The following DYNC1I1 variants were observed in gnomAD, a reference collection of about 807,000 sequenced individuals.
DYNC1I1 encodes the protein cytoplasmic dynein 1 intermediate chain 1.
DYNC1I1 carries 43 observed loss-of-function variants against 86.6 expected under a neutral mutation model. That is an observed-to-expected ratio of 0.50 (90% CI 0.39 to 0.64). The LOEUF is 0.64. DYNC1I1 is among the 30% of genes least tolerant of loss of function. The pLI is 0.00. For synonymous variants in DYNC1I1, 262 were observed against 283.7 expected, an observed-to-expected ratio of 0.92 and a Z score of 0.77; for missense variants, 604 against 788.8, an observed-to-expected ratio of 0.77 and a Z score of 2.81.
At chr7:96,078,750 T>C (rs758639650) in intron 15 of DYNC1I1, among the ~76,000 whole-genome samples, 1 of 152,164 alleles carries the variant, frequency 6.6e-6, no homozygotes, top group Non-Finnish European at 1.5e-5. Context: ...TGGAATTAGG[T>C]AATAGAATTA....
intron 1 of DYNC1I1, among the ~76,000 whole-genome samples, chr7:95,789,007 T>G (rs1016669816): frequency 4.6e-5 from 7 of 152,212 alleles, no homozygotes; most frequent in African/African-American, 1.7e-4. Flanking sequence ...TATACATGCC[T>G]GCATCCTATT....
At chr7:96,022,386 G>C (rs943191390) in intron 10 of DYNC1I1, among the ~76,000 whole-genome samples, 6 of 152,094 alleles carry the variant, frequency 3.9e-5, no homozygotes, top group African/African-American at 1.4e-4. Context: ...AGAATCAGCT[G>C]CTTTTTATTT....
chr7:95,843,064 GTC>G (rs1789331610), intron 5 of DYNC1I1, among the ~76,000 whole-genome samples: 1 of 152,290 alleles, frequency 6.6e-6, no homozygotes, highest in African/African-American at 2.4e-5. Context: ...ACTGAAGCAA[GTC>G]CCTTACATGT....
At chr7:96,049,957 T>C (rs1371239083) in intron 14 of DYNC1I1, among the ~76,000 whole-genome samples, 1 of 150,934 alleles carries the variant, frequency 6.6e-6, no homozygotes, top group Non-Finnish European at 1.5e-5. Flanking sequence ...TGCTTGAACC[T>C]GGAGGGCACA....
At chr7:95,815,082 G>A (rs578150196) in intron 4 of DYNC1I1, among the ~76,000 whole-genome samples, 42 of 152,252 alleles carry the variant, frequency 2.8e-4, no homozygotes, top group South Asian at 1.7e-3. Flanking sequence ...CAAGGGTGCA[G>A]TTGGCAGCAT....
At chr7:95,967,600 T>C (rs1158014843) in intron 6 of DYNC1I1, among the ~76,000 whole-genome samples, 2 of 152,204 alleles carry the variant, frequency 1.3e-5, no homozygotes, top group African/African-American at 4.8e-5. Context: ...ACTACTGTGT[T>C]TTTGTTGTTA....
At chr7:95,968,394 G>T (rs1793072187) in intron 6 of DYNC1I1, among the ~76,000 whole-genome samples, 1 of 152,120 alleles carries the variant, frequency 6.6e-6, no homozygotes, top group African/African-American at 2.4e-5. Context: ...TGACTCTTAG[G>T]TATGGAAGGT....
rs548398613 is a variant in DYNC1I1, at chr7:96,070,987, G to A, written c.1510-5070G>A. On this transcript the variant is annotated intron_variant, in intron 14 of 16. Transcript: ENST00000447467. ...ACTAAAGCTCAATTCTAGAGATCAA[G>A]TCTTATTGTAAAACACTGATGAATG... Among the ~76,000 whole-genome samples, 3 of 152,266 alleles carry A rather than the reference G, an allele frequency of 2.0e-5. No individual in the cohort carries two copies. In the South Asian group the frequency reaches 6.2e-4, roughly 32 times the overall value.
rs149646687 is a variant in DYNC1I1 at position 95,905,559 on chromosome 7, A to C, written c.490+35561A>C. On this transcript the variant is annotated intron_variant, in intron 6 of 16. Coordinates refer to ENST00000447467, the MANE Select transcript of DYNC1I1 (RefSeq NM_001135556.2). ...TATTGCCCTTCTTCTTTCCTGACCT[A>C]TGTCTCAAACTCACGTGGGGTCCCT... is the stretch of plus-strand genomic sequence containing the variant. Among the ~76,000 whole-genome samples, 181 of 152,170 alleles carry C rather than the reference A, an allele frequency of 1.2e-3. 1 individual carries two copies. The highest frequency in any genetic ancestry group is 3.9e-3 in the African/African-American group (164 of 41,538).
chr7:96,023,493 G>A (rs1450284432), intron 10 of DYNC1I1, among the ~76,000 whole-genome samples: 1 of 152,126 alleles, frequency 6.6e-6, no homozygotes, highest in Non-Finnish European at 1.5e-5. Flanking sequence ...CTCTAAGCTG[G>A]CCTGGATTAG....
At chr7:95,791,617 T>C (rs933403609) in intron 1 of DYNC1I1, among the ~76,000 whole-genome samples, 1 of 152,232 alleles carries the variant, frequency 6.6e-6, no homozygotes. Context: ...ACATGATAAT[T>C]TATCCTCAAG....
Position 96,035,643 on chromosome 7 carries a change from A to G in DYNC1I1, c.1255A>G (p.Lys419Glu). Reference sequence around the variant, plus strand: ...GGAGAGCATGGAGCTGGTGTACAATAAGTCCAAGCCTGTCGCTGTTACCGG... The same window carrying G: ...GGAGAGCATGGAGCTGGTGTACAATGAGTCCAAGCCTGTCGCTGTTACCGG... Reference protein sequence around the residue: ...PQESMELVYNKSKPVAVTGMA... With the variant: ...PQESMELVYNESKPVAVTGMA... The change falls in exon 13 of 17, where the codon AAG becomes GAG. Residue 419 changes from lysine (K) to glutamate (E), a missense_variant. Coordinates refer to ENST00000447467, the MANE Select transcript of DYNC1I1 (RefSeq NM_001135556.2). 1 of 1,604,206 alleles carries G rather than the reference A, an allele frequency of 6.2e-7. No homozygotes were observed. The highest frequency in any genetic ancestry group is 8.5e-7 in the Non-Finnish European group (1 of 1,176,620).
chr7:95,996,064 C>G lies in DYNC1I1; in HGVS notation c.960C>G (p.Phe320Leu). ...AGAAAACCACACCAGAATACGTCTTCCACTGTCAGGTAGGAGTCAGCGTAG... is the reference window on the plus strand; with the variant it reads ...AGAAAACCACACCAGAATACGTCTTGCACTGTCAGGTAGGAGTCAGCGTAG... ...KFKKTTPEYV[F>L]HCQSSVMSVC... The change falls in exon 10 of 17, where the codon TTC (phenylalanine) becomes TTG (leucine). Residue 320 changes from phenylalanine to leucine, a missense_variant. Transcript: ENST00000447467. The G allele has an allele frequency of 6.2e-7, 1 of 1,614,054 alleles. No homozygotes were observed. The highest frequency in any genetic ancestry group is 8.5e-7 in the Non-Finnish European group (1 of 1,179,954).
At chr7:95,813,395 A>G (rs1423670320) in intron 4 of DYNC1I1, 58 bp downstream of exon 4, 2 of 1,360,978 alleles carry the variant, frequency 1.5e-6, no homozygotes, top group Middle Eastern at 3.7e-4. Context: ...AAAAAAAAAC[A>G]GCAACAACAC....
At chr7:96,095,650 T>C (rs1790980765) in intron 16 of DYNC1I1, among the ~76,000 whole-genome samples, 1 of 152,146 alleles carries the variant, frequency 6.6e-6, no homozygotes, top group Non-Finnish European at 1.5e-5. Flanking sequence ...CTTGGGCTTT[T>C]GTTTCATGGT....
At chr7:96,078,047 C>T (rs544748267) in intron 15 of DYNC1I1, among the ~76,000 whole-genome samples, 1 of 152,088 alleles carries the variant, frequency 6.6e-6, no homozygotes. Context: ...CTTTTTAAAA[C>T]CTTCAAATCA....
In DYNC1I1 at chr7:95,813,288, C is replaced by T; in HGVS notation, c.265C>T (p.Pro89Ser). 1 of 1,612,686 alleles carries T rather than the reference C, an allele frequency of 6.2e-7. No individual in the cohort carries two copies. The highest frequency in any genetic ancestry group is 8.5e-7 in the Non-Finnish European group (1 of 1,179,488). Residue 89 changes from proline to serine, a missense_variant, in exon 4 of 17, where the codon CCC (proline) becomes TCC (serine). By Grantham distance (74) the Pro-to-Ser change is moderately conservative. Coordinates refer to ENST00000447467, the MANE Select transcript of DYNC1I1 (RefSeq NM_001135556.2). ...TCCCTCCTCGAAATCAGTGAGCACTCCCAGTGAAGCTGGAAGCCAAGACTC... is the reference window on the plus strand; with the variant it reads ...TCCCTCCTCGAAATCAGTGAGCACTTCCAGTGAAGCTGGAAGCCAAGACTC... Reference protein sequence around the residue: ...MSPSSKSVSTPSEAGSQDSGD... With the variant: ...MSPSSKSVSTSSEAGSQDSGD...
rs73399061 is a variant in DYNC1I1 at position 96,057,985 on chromosome 7, T to A, written c.1510-18072T>A. ...AAAGACACCTCAGTCCATTCCTTAT[T>A]GATGTCTCTGACTACTCCATTCTCC... On this transcript the variant is annotated intron_variant, in intron 14 of 16. Transcript: ENST00000447467. 8.0e-3 allele frequency among the ~76,000 whole-genome samples: 1,217 copies of A among 152,328 alleles called. 17 individuals carry two copies. Among genetic ancestry groups the A allele is most frequent in the African/African-American group, 0.028 (1,160 of 41,572 alleles).
At chr7:96,052,413 A>T (rs1397923483) in intron 14 of DYNC1I1, among the ~76,000 whole-genome samples, 1 of 152,140 alleles carries the variant, frequency 6.6e-6, no homozygotes, top group Non-Finnish European at 1.5e-5. Context: ...ACACAGACAC[A>T]TGAGATAGTT....
Sources: gnomAD v4.1 joint callset for allele counts (sites outside exome capture counted in the v4.1 genomes callset) on GRCh38, gnomAD v4.1.1 for gene constraint, MANE v1.5 for transcripts, NCBI Gene and HGNC (gene_info 2026-07-23, HGNC 2026-07-21) for gene names.